The following NOTCH2NLR variants were observed in gnomAD, a reference collection of about 807,000 sequenced individuals.
NOTCH2NLR encodes notch 2 N-terminal like R, also known as notch 2 N-terminal like R (pseudogene).
In NOTCH2NLR, 33 loss-of-function variants were observed where a neutral mutation model predicts 35.6. The observed-to-expected ratio is 0.93, with a 90% CI of 0.70 to 1.24. NOTCH2NLR has a LOEUF of 1.24. Among genes scored for constraint, NOTCH2NLR ranks in the 50% most tolerant of loss-of-function variants. The pLI is 0.00. For missense variants in NOTCH2NLR, 276 were observed against 362.2 expected (o/e 0.76, Z 1.93); for synonymous variants, 103 against 141.0 (o/e 0.73, Z 1.91).
At chr1:120,780,036 TCA>T (rs1221641796) in intron 2 of NOTCH2NLR, among the ~76,000 whole-genome samples, 1 of 131,424 alleles carries the variant, frequency 7.6e-6, no homozygotes, top group African/African-American at 3.3e-5. Context: ...ACCAGGCAGA[TCA>T]CAGAGTAGAG....
At chr1:120,793,407 T>A (rs1651516056) in exon 4 of NOTCH2NLR, 1 of 1,441,648 alleles carries the variant, frequency 6.9e-7, no homozygotes, top group East Asian at 2.3e-5. Context: ...TGTGACAGAC[T>A]GTATGTGCCC....
At chr1:120,794,372 G>A (rs1326749795), downstream of NOTCH2NLR, among the ~76,000 whole-genome samples, 9 of 112,260 alleles carry the variant, frequency 8.0e-5, no homozygotes, top group Non-Finnish European at 1.5e-4. Flanking sequence ...AATACAAGCA[G>A]CTGAAGCAGA....
At position 120,745,134 on chromosome 1, in the gene NOTCH2NLR, CA is replaced by C. The variant is rs1287143211; in HGVS notation, c.74-18484del. ...GATCCTGTCTCCAAAAAAAAAAAAA[CA>C]AAAAAAAAACAAAAAAAAGTGGTAT... On this transcript the variant is annotated intron_variant, in intron 1 of 4. Coordinates refer to ENST00000624419, the Ensembl canonical transcript of NOTCH2NLR. Among the ~76,000 whole-genome samples, 47 of 82,300 alleles carry C rather than the reference CA, an allele frequency of 5.7e-4. 5 individuals are homozygous for C. Among genetic ancestry groups the C allele is most frequent in the Middle Eastern group, 4.8e-3 (1 of 208 alleles). The allele number at this position is 82,300 out of a possible 152,430, so 54.0% of individuals were successfully genotyped here. A position where few individuals can be genotyped will look rare whatever the true frequency, so the allele number is the denominator to read the frequency against.
At position 120,724,064 on chromosome 1, in the gene NOTCH2NLR, C is replaced by T; in HGVS notation, c.-114C>T. 2.3e-6 allele frequency: 3 copies of T among 1,288,278 alleles called. 1 individual carries two copies. Among genetic ancestry groups the T allele is most frequent in the Non-Finnish European group, 3.0e-6 (3 of 1,012,786 alleles). The allele number at this position is 1,288,278 out of a possible 1,614,324, so 79.8% of individuals were successfully genotyped here. On this transcript the variant is annotated 5_prime_UTR_variant, in exon 1 of 5. Transcript: ENST00000624419. The stretch of plus-strand genomic sequence containing the variant: ...AGCGCCAGGGCCTGAGCCTTTGAAG[C>T]AGGAGGAGGGGAGGAGAGAGTGGGG...
Position 120,724,251 on chromosome 1 carries a change from G to C in NOTCH2NLR, c.73+1G>C. On this transcript the variant is annotated splice_donor_variant, in intron 1 of 4. Coordinates refer to ENST00000624419, the Ensembl canonical transcript of NOTCH2NLR. LOFTEE classifies it high-confidence loss of function. Reference sequence around the variant, plus strand: ...CTGTGCTGGGCGGCCCCCGCGCATGGTGAGTATCGGGCTGAGGGGCGCTGT... The same window carrying C: ...CTGTGCTGGGCGGCCCCCGCGCATGCTGAGTATCGGGCTGAGGGGCGCTGT... 1 of 1,399,790 alleles carries C rather than the reference G, an allele frequency of 7.1e-7. No homozygotes were observed. The highest frequency in any genetic ancestry group is 1.3e-5 in the South Asian group (1 of 79,086). The allele number at this position is 1,399,790 out of a possible 1,614,324, so 86.7% of individuals were successfully genotyped here.
chr1:120,785,013 A>G, exon 3 of NOTCH2NLR: 1 of 1,423,588 alleles, frequency 7.0e-7, no homozygotes, highest in Non-Finnish European at 9.4e-7. Context: ...GTCAACATCG[A>G]GACCCCTGTG....
chr1:120,764,078 C>T (rs1651162698), intron 2 of NOTCH2NLR, among the ~76,000 whole-genome samples: 1 of 109,454 alleles, frequency 9.1e-6, no homozygotes, highest in Admixed American at 9.0e-5. Context: ...GAAACCCTAT[C>T]TCTACTAAAA....
intron 2 of NOTCH2NLR, among the ~76,000 whole-genome samples, chr1:120,769,386 G>T (rs1651235235): frequency 6.9e-6 from 1 of 144,632 alleles, no homozygotes; most frequent in South Asian, 2.2e-4. Flanking sequence ...GAAATAGACA[G>T]GGAAAAATAT....
intron 1 of NOTCH2NLR, 132 bp downstream of exon 1, chr1:120,724,382 G>A (rs1198548539): frequency 1.5e-6 from 2 of 1,347,350 alleles, no homozygotes; most frequent in East Asian, 5.2e-5. Flanking sequence ...GCCACTCGCT[G>A]GGTTCCCAAG....
At chr1:120,752,550 ATATATTTTTTTT>A (rs1651031640) in intron 1 of NOTCH2NLR, among the ~76,000 whole-genome samples, 3 of 9,864 alleles carry the variant, frequency 3.0e-4, no homozygotes, top group Non-Finnish European at 5.0e-4. Context: ...ATATATATAT[ATATATTTTTTTT>A]TTTTTTTTTT....
chr1:120,764,168 A>G (rs1258350041), intron 2 of NOTCH2NLR, among the ~76,000 whole-genome samples: 1 of 113,348 alleles, frequency 8.8e-6, no homozygotes, highest in Non-Finnish European at 1.7e-5. Context: ...AGTGACTTGA[A>G]CCCAGGAGGC....
Position 120,763,730 on chromosome 1 carries a change from A to G in NOTCH2NLR, c.155+21A>G, listed in dbSNP as rs1468606056. ...TGCAAGTAAGTTTTTCTCTTCATAT[A>G]TTTTCTTTTTGCGATAGAACACTGG... On this transcript the variant is annotated intron_variant, in intron 2 of 4. Coordinates refer to ENST00000624419, the Ensembl canonical transcript of NOTCH2NLR. The G allele has an allele frequency of 9.1e-5, 103 of 1,135,064 alleles. 16 individuals are homozygous for G. The highest frequency in any genetic ancestry group is 1.2e-4 in the Non-Finnish European group (97 of 802,822). The allele number at this position is 1,135,064 out of a possible 1,614,324, so 70.3% of individuals were successfully genotyped here. A position where few individuals can be genotyped will look rare whatever the true frequency, so the allele number is the denominator to read the frequency against.
chr1:120,770,719 G>A, intron 2 of NOTCH2NLR, among the ~76,000 whole-genome samples: 1 of 119,386 alleles, frequency 8.4e-6, no homozygotes, highest in South Asian at 2.4e-4. Flanking sequence ...TATACTCGTG[G>A]AAAATGTACT....
rs1444536350 is a variant in NOTCH2NLR, at chr1:120,779,441, G to C, written c.156-5533G>C. Among the ~76,000 whole-genome samples, 3 of 113,154 alleles carry C rather than the reference G, an allele frequency of 2.7e-5. No homozygotes were observed. In the East Asian group the frequency reaches 6.1e-4, roughly 23 times the overall value. 74.2% of individuals were successfully genotyped at this position (113,154 alleles called of 152,430 possible). ...TTTCTCTGTATTCACAACCTCATCT[G>C]CGAAGTATGTTCTTTCAGAGTTCAA... On this transcript the variant is annotated intron_variant, in intron 2 of 4. Transcript: ENST00000624419.
In NOTCH2NLR at chr1:120,724,694, C is replaced by A. The variant is rs1244780634; in HGVS notation, c.73+444C>A. Among the ~76,000 whole-genome samples the A allele has an allele frequency of 4.8e-5, 6 of 124,740 alleles. 1 individual carries two copies. The highest frequency in any genetic ancestry group is 8.1e-5 in the Non-Finnish European group (5 of 61,518). 81.8% of individuals were successfully genotyped at this position (124,740 alleles called of 152,430 possible). A position where few individuals can be genotyped will look rare whatever the true frequency, so the allele number is the denominator to read the frequency against. Reference sequence around the variant, plus strand: ...GGGGCAGGGCCGCCAAGCCAAACGGCCTGCAGCTTCGCAGCCAGCCTCGCC... The same window carrying A: ...GGGGCAGGGCCGCCAAGCCAAACGGACTGCAGCTTCGCAGCCAGCCTCGCC... On this transcript the variant is annotated intron_variant, in intron 1 of 4. Transcript: ENST00000624419.
At chr1:120,790,848 C>T (rs1412171866) in intron 3 of NOTCH2NLR, among the ~76,000 whole-genome samples, 1 of 100,614 alleles carries the variant, frequency 9.9e-6, no homozygotes, top group Admixed American at 1.0e-4. Context: ...GATCTGCCCA[C>T]CTCAGCCTCC....
intron 3 of NOTCH2NLR, among the ~76,000 whole-genome samples, chr1:120,791,356 A>C (rs1651491791): frequency 1.9e-5 from 2 of 104,020 alleles, no homozygotes; most frequent in Non-Finnish European, 3.5e-5. Context: ...ACGTATGTTT[A>C]TTGCGGCACT....
intron 1 of NOTCH2NLR, among the ~76,000 whole-genome samples, chr1:120,755,583 A>G (rs1319901259): frequency 1.1e-5 from 1 of 91,104 alleles, no homozygotes; most frequent in Non-Finnish European, 1.9e-5. Flanking sequence ...TTTTTTTGCA[A>G]TAAGTTCAAT....
At chr1:120,789,954 C>G (rs1651464947) in intron 3 of NOTCH2NLR, among the ~76,000 whole-genome samples, 1 of 79,582 alleles carries the variant, frequency 1.3e-5, no homozygotes, top group South Asian at 3.4e-4. Context: ...ATTAAAACTT[C>G]TTCCTTGTTG....
Sources: gnomAD v4.1 joint callset for allele counts (sites outside exome capture counted in the v4.1 genomes callset) on GRCh38, gnomAD v4.1.1 for gene constraint, MANE v1.5 for transcripts, NCBI Gene and HGNC (gene_info 2026-07-23, HGNC 2026-07-21) for gene names.